Variants in KDM4C observed in about 807,000 individuals in gnomAD.
KDM4C encodes the protein lysine demethylase 4C, also known as lysine-specific demethylase 4C.
A neutral mutation model predicts 129.3 loss-of-function variants in KDM4C; 81 were observed. That is an observed-to-expected ratio of 0.63 (90% CI 0.52 to 0.75). KDM4C has a LOEUF of 0.75. Among genes scored for constraint, KDM4C ranks in the 30% least tolerant of loss-of-function variants. The pLI, the probability that KDM4C is intolerant of heterozygous loss-of-function variation, is 0.00. For missense variants in KDM4C, 1,457 were observed against 1,304.0 expected, an observed-to-expected ratio of 1.12 and a Z score of -1.81; for synonymous variants, 573 against 456.1, an observed-to-expected ratio of 1.26 and a Z score of -3.26.
chr9:6,767,360 C>A (rs1820841885), intron 1 of KDM4C, among the ~76,000 whole-genome samples: 1 of 151,642 alleles, frequency 6.6e-6, no homozygotes, highest in South Asian at 2.1e-4. Context: ...GCAGGATGGT[C>A]TCGAACTCCT....
chr9:6,788,823 C>G (rs1266335363), intron 1 of KDM4C, among the ~76,000 whole-genome samples: 1 of 152,138 alleles, frequency 6.6e-6, no homozygotes, highest in East Asian at 1.9e-4. Context: ...TCAGGCAGGC[C>G]TGTTCCAGAG....
At chr9:6,901,957 T>G (rs1198727066) in intron 8 of KDM4C, among the ~76,000 whole-genome samples, 2 of 152,212 alleles carry the variant, frequency 1.3e-5, no homozygotes, top group African/African-American at 2.4e-5. Flanking sequence ...TCAGTAGGAT[T>G]AGAATATCTG....
At chr9:6,902,134 A>T (rs184605514) in intron 8 of KDM4C, among the ~76,000 whole-genome samples, 11 of 152,196 alleles carry the variant, frequency 7.2e-5, no homozygotes, top group Non-Finnish European at 4.4e-5. Flanking sequence ...TTTGAGTTCC[A>T]AAACATTAAC....
chr9:7,081,237 T>C (rs1268326864), intron 17 of KDM4C, among the ~76,000 whole-genome samples: 1 of 152,204 alleles, frequency 6.6e-6, no homozygotes, highest in Non-Finnish European at 1.5e-5. Flanking sequence ...ATGTGCCACG[T>C]AGACACGTAG....
intron 1 of KDM4C, among the ~76,000 whole-genome samples, chr9:6,791,239 G>C (rs1826543204): frequency 6.6e-6 from 1 of 152,122 alleles, no homozygotes; most frequent in Admixed American, 6.5e-5. Flanking sequence ...AGTCTCCCTA[G>C]TAGCTGGGAC....
At chr9:7,123,163 ATACTGGC>A (rs1839681727) in intron 18 of KDM4C, among the ~76,000 whole-genome samples, 1 of 152,158 alleles carries the variant, frequency 6.6e-6, no homozygotes, top group Non-Finnish European at 1.5e-5. Context: ...TTTAATTTAT[ATACTGGC>A]CATTTTTCTA....
At chr9:6,737,027 G>A (rs1817546524) in intron 1 of KDM4C, among the ~76,000 whole-genome samples, 1 of 145,546 alleles carries the variant, frequency 6.9e-6, no homozygotes, top group Non-Finnish European at 1.5e-5. Flanking sequence ...TTCCAGACTG[G>A]GCGACACAGC....
intron 19 of KDM4C, among the ~76,000 whole-genome samples, chr9:7,128,785 C>T (rs1003123932): frequency 4.6e-5 from 7 of 151,472 alleles, no homozygotes; most frequent in African/African-American, 1.5e-4. Flanking sequence ...TGTGTGTGTG[C>T]GTGCGCGTGT....
At chr9:6,871,418 A>G (rs541773586) in intron 5 of KDM4C, among the ~76,000 whole-genome samples, 4 of 152,248 alleles carry the variant, frequency 2.6e-5, no homozygotes, top group African/African-American at 9.6e-5. Flanking sequence ...AATAAATCTT[A>G]AAAAAAATTT....
intron 4 of KDM4C, chr9:6,818,877 TGTAAAA>T (rs1296522733): frequency 1.3e-5 from 2 of 152,188 alleles, no homozygotes; most frequent in African/African-American, 4.8e-5. Flanking sequence ...TGTGGAAATA[TGTAAAA>T]CTAGGTCTTT....
At chr9:6,919,473 T>G (rs1420907092) in intron 8 of KDM4C, among the ~76,000 whole-genome samples, 1 of 151,822 alleles carries the variant, frequency 6.6e-6, no homozygotes, top group African/African-American at 2.4e-5. Context: ...TTTCTTTGTT[T>G]TTCTATTTAA....
chr9:6,965,673 G>C (rs1440023799), intron 8 of KDM4C, among the ~76,000 whole-genome samples: 3 of 152,212 alleles, frequency 2.0e-5, no homozygotes, highest in African/African-American at 7.2e-5. Context: ...GAAGCAAACT[G>C]ATGTTCCAGT....
chr9:6,881,485 C>G (rs1844448904), intron 6 of KDM4C, among the ~76,000 whole-genome samples: 1 of 152,150 alleles, frequency 6.6e-6, no homozygotes, highest in South Asian at 2.1e-4. Context: ...AGACTATATT[C>G]TCAACTGTCT....
intron 1 of KDM4C, among the ~76,000 whole-genome samples, chr9:6,731,325 CT>C (rs34724329): frequency 6.4e-4 from 73 of 114,028 alleles, no homozygotes; most frequent in East Asian, 1.2e-3. Flanking sequence ...TTTTTTTTTG[CT>C]TTTTTTTTTT....
intron 4 of KDM4C, among the ~76,000 whole-genome samples, chr9:6,848,441 C>T (rs989449602): frequency 6.6e-6 from 1 of 152,068 alleles, no homozygotes; most frequent in Non-Finnish European, 1.5e-5. Flanking sequence ...CCGAGGTGGG[C>T]AGGTCACTTG....
chr9:7,105,608 T>C (rs1270342098), intron 18 of KDM4C: 1 of 382,802 alleles, frequency 2.6e-6, no homozygotes, highest in Non-Finnish European at 5.4e-6. Context: ...GGAATGTAAA[T>C]GCCTTTTTAG....
intron 17 of KDM4C, among the ~76,000 whole-genome samples, chr9:7,076,096 A>T (rs10976026): frequency 0.61 from 92,728 of 151,946 alleles, 28,711 homozygotes; most frequent in South Asian, 0.68. Context: ...CCTCCACACT[A>T]CTGTATATAT....
chr9:7,174,400 G>T (rs1244836907), intron 21 of KDM4C, among the ~76,000 whole-genome samples, 153 bp from the exon 22 acceptor site: 2 of 152,194 alleles, frequency 1.3e-5, no homozygotes, highest in Non-Finnish European at 2.9e-5. Context: ...GAGAGGCGAG[G>T]GAAAGCCCAA....
intron 17 of KDM4C, among the ~76,000 whole-genome samples, chr9:7,089,518 TG>T (rs1466740108): frequency 6.6e-6 from 1 of 152,234 alleles, no homozygotes; most frequent in East Asian, 1.9e-4. Flanking sequence ...AATGAGTCTT[TG>T]GGGGAAGTCA....
Sources: gnomAD v4.1 joint callset for allele counts (sites outside exome capture counted in the v4.1 genomes callset) on GRCh38, gnomAD v4.1.1 for gene constraint, MANE v1.5 for transcripts, NCBI Gene and HGNC (gene_info 2026-07-23, HGNC 2026-07-21) for gene names.